The following ZNF507 variants were observed in gnomAD, a reference collection of about 807,000 sequenced individuals.
ZNF507 encodes zinc finger protein 507.
A neutral mutation model predicts 80.0 loss-of-function variants in ZNF507; 29 were observed. The observed-to-expected ratio is 0.36, with a 90% CI of 0.27 to 0.49. ZNF507 has a LOEUF of 0.49. Ranked by LOEUF, ZNF507 falls within the 20% of genes least tolerant of loss-of-function variation. ZNF507 has a pLI of 0.98. For synonymous variants in ZNF507, 462 were observed against 422.5 expected, an observed-to-expected ratio of 1.09 and a Z score of -1.15; for missense variants, 1,081 against 1,152.2, an observed-to-expected ratio of 0.94 and a Z score of 0.90.
Position 32,354,937 on chromosome 19 carries a change from G to C in ZNF507, c.2107G>C (p.Glu703Gln), listed in dbSNP as rs1213970223. The C allele has an allele frequency of 6.2e-7, 1 of 1,608,440 alleles. No homozygotes were observed. Among genetic ancestry groups the C allele is most frequent in the East Asian group, 2.2e-5 (1 of 44,790 alleles). ...AAGAATATACCAGTGCAAGCAGTGT[G>C]AAGAATCCTTCCATTATAAGGTAAG... The part of the protein sequence containing the change: ...KTRIYQCKQC[E>Q]ESFHYKSQLR... The change falls in exon 3 of 7, where the codon GAA becomes CAA. Residue 703 changes from glutamate (E) to glutamine (Q), a missense_variant. Coordinates refer to ENST00000355898, the MANE Select transcript of ZNF507 (RefSeq NM_001136156.2).
rs115685667 is a variant in ZNF507, at chr19:32,374,450, C to A, written c.2361-8017C>A. On this transcript the variant is annotated intron_variant, in intron 5 of 6. Transcript: ENST00000355898. ...TCTGCAAATCATTTTCTCATACTTT[C>A]CTTTCTATTTATAGCTTTTCTTTCT... Among the ~76,000 whole-genome samples, 1,204 of 148,900 alleles carry A rather than the reference C, an allele frequency of 8.1e-3. 19 individuals carry two copies. Among genetic ancestry groups the A allele is most frequent in the African/African-American group, 0.029 (1,163 of 40,600 alleles).
Position 32,353,743 on chromosome 19 carries a change from G to T in ZNF507, c.913G>T (p.Val305Phe). The change falls in exon 3 of 7, where the codon GTC becomes TTC. Residue 305 changes from valine (V) to phenylalanine (F), a missense_variant. Around this residue, in one of 6 missense-constraint regions of ZNF507, gnomAD observed 614 missense variants for 583.9 expected, o/e 1.05. Transcript: ENST00000355898. ...TGCTGCGCCTGGTGGGGTCGATGCAGTCGTCATTGCTATTGGAGAGAGTGA... is the reference window on the plus strand; with the variant it reads ...TGCTGCGCCTGGTGGGGTCGATGCATTCGTCATTGCTATTGGAGAGAGTGA... ...AAAAPGGVDA[V>F]VIAIGESELS... The T allele has an allele frequency of 1.2e-6, 2 of 1,614,204 alleles. No individual in the cohort carries two copies. The highest frequency in any genetic ancestry group is 1.7e-6 in the Non-Finnish European group (2 of 1,180,042).
rs61197606 is a variant in ZNF507, at chr19:32,384,707, AT to A, written c.*1633del. 1 of 151,280 alleles carries A rather than the reference AT, an allele frequency of 6.6e-6. No individual in the cohort carries two copies. Among genetic ancestry groups the A allele is most frequent in the Non-Finnish European group, 1.5e-5 (1 of 67,838 alleles). 9.4% of individuals were successfully genotyped at this position (151,280 alleles called of 1,614,324 possible). On this transcript the variant is annotated 3_prime_UTR_variant, in exon 7 of 7. Coordinates refer to ENST00000355898, the MANE Select transcript of ZNF507 (RefSeq NM_001136156.2). ...GCCAGGCATCTTGCAACATTTTCTGATTTTTTTTTCTTTCTTTCTAATCTCA... is the reference window on the plus strand; with the variant it reads ...GCCAGGCATCTTGCAACATTTTCTGATTTTTTTTCTTTCTTTCTAATCTCA...
chr19:32,360,503 G>T lies in ZNF507; in HGVS notation c.2246-1G>T. 6.5e-7 allele frequency: 1 copy of T among 1,537,786 alleles called. No homozygotes were observed. Among genetic ancestry groups the T allele is most frequent in the Non-Finnish European group, 8.8e-7 (1 of 1,138,324 alleles). On this transcript the variant is annotated splice_acceptor_variant, in intron 4 of 6. Transcript: ENST00000355898. LOFTEE classifies it high-confidence loss of function. ...CTAAAACTCTGAAATACCTTGTCTA[G>T]GGAATAAGTCTTCAGTCCAGAAACA...
chr19:32,353,316 T>A lies in ZNF507; in HGVS notation c.486T>A (p.Ile162=), dbSNP rs765381045. 4.3e-6 allele frequency: 7 copies of A among 1,614,260 alleles called. No homozygotes were observed. Among genetic ancestry groups the A allele is most frequent in the Admixed American group, 1.7e-5 (1 of 60,032 alleles). Residue 162 remains isoleucine (I), a synonymous_variant, in exon 3 of 7, where the codon ATT becomes ATA. Coordinates refer to ENST00000355898, the MANE Select transcript of ZNF507 (RefSeq NM_001136156.2). ...TACTGATGTGCTCAGAGTGCCATAT[T>A]ACATCTAGAAGCCAGGAGGAACTTG... is the stretch of plus-strand genomic sequence containing the variant. ...EVILMCSECH[I]TSRSQEELEA...
At position 32,384,335 on chromosome 19, in the gene ZNF507, A is replaced by C. The variant is rs956278757; in HGVS notation, c.*1252A>C. 1 of 152,226 alleles carries C rather than the reference A, an allele frequency of 6.6e-6. No homozygotes were observed. Among genetic ancestry groups the C allele is most frequent in the African/African-American group, 2.4e-5 (1 of 41,458 alleles). The allele number at this position is 152,226 out of a possible 1,614,324, so 9.4% of individuals were successfully genotyped here. A position where few individuals can be genotyped will look rare whatever the true frequency, so the allele number is the denominator to read the frequency against. Reference sequence around the variant, plus strand: ...CCATCAAATAGATGTAATCTTATTAATTACACATTTTGTATTTTAATTATT... The same window carrying C: ...CCATCAAATAGATGTAATCTTATTACTTACACATTTTGTATTTTAATTATT... On this transcript the variant is annotated 3_prime_UTR_variant, in exon 7 of 7. Coordinates refer to ENST00000355898, the MANE Select transcript of ZNF507 (RefSeq NM_001136156.2).
rs912715158 is a variant in ZNF507, at chr19:32,385,518, TTAAAA to T, written c.*2439_*2443del. 1 of 152,186 alleles carries T rather than the reference TTAAAA, an allele frequency of 6.6e-6. No homozygotes were observed. The highest frequency in any genetic ancestry group is 2.4e-5 in the African/African-American group (1 of 41,442). The allele number at this position is 152,186 out of a possible 1,614,324, so 9.4% of individuals were successfully genotyped here. ...ATTCTAACTGTAGAAGAGATAGCTA[TTAAAA>T]TAATCAGTAGCCTGGGCATAGTGGC... On this transcript the variant is annotated 3_prime_UTR_variant, in exon 7 of 7. Transcript: ENST00000355898.
intron 5 of ZNF507, among the ~76,000 whole-genome samples, chr19:32,370,089 T>TGTGTGTGCGTGCATAC (rs1469514363): frequency 6.6e-6 from 1 of 152,220 alleles, no homozygotes; most frequent in Non-Finnish European, 1.5e-5. Context: ...ATTGAGTATG[T>TGTGTGTGCGTGCATAC]GTGTGTGCGT....
At chr19:32,365,134 T>G (rs536511028) in intron 5 of ZNF507, among the ~76,000 whole-genome samples, 2 of 152,262 alleles carry the variant, frequency 1.3e-5, no homozygotes, top group African/African-American at 4.8e-5. Flanking sequence ...GCCATTTGCG[T>G]ATCTTCTTTT....
In ZNF507 at chr19:32,386,392, T is replaced by C. The variant is rs1263906655; in HGVS notation, c.*3309T>C. The C allele has an allele frequency of 6.6e-6, 1 of 152,638 alleles. No individual in the cohort carries two copies. The highest frequency in any genetic ancestry group is 6.5e-5 in the Admixed American group (1 of 15,286). 9.5% of individuals were successfully genotyped at this position (152,638 alleles called of 1,614,324 possible). A position where few individuals can be genotyped will look rare whatever the true frequency, so the allele number is the denominator to read the frequency against. ...TTCATAGACACTTATTTAATCTTTTTAAATTGTACAGCAAGGTGCTCTAAG... is the reference window on the plus strand; with the variant it reads ...TTCATAGACACTTATTTAATCTTTTCAAATTGTACAGCAAGGTGCTCTAAG... On this transcript the variant is annotated 3_prime_UTR_variant, in exon 7 of 7. Transcript: ENST00000355898.
At chr19:32,375,479 G>A (rs1395410769) in intron 5 of ZNF507, among the ~76,000 whole-genome samples, 2 of 152,136 alleles carry the variant, frequency 1.3e-5, no homozygotes, top group Non-Finnish European at 2.9e-5. Context: ...AAGACAGATG[G>A]GCCTGATATC....
rs1319941939 is a variant in ZNF507 at position 32,386,885 on chromosome 19, G to A, written c.*3802G>A. ...CCAAGTTCTATTAACCACAGGTTGT[G>A]TTCATTCTTTTCCTGGAAATGATGA... On this transcript the variant is annotated 3_prime_UTR_variant, in exon 7 of 7. Transcript: ENST00000355898. 6.6e-6 allele frequency: 1 copy of A among 152,472 alleles called. No individual in the cohort carries two copies. The highest frequency in any genetic ancestry group is 1.5e-5 in the Non-Finnish European group (1 of 68,008). The allele number at this position is 152,472 out of a possible 1,614,324, so 9.4% of individuals were successfully genotyped here.
intron 1 of ZNF507, among the ~76,000 whole-genome samples, chr19:32,347,030 G>A (rs1967105967): frequency 6.6e-6 from 1 of 152,162 alleles, no homozygotes; most frequent in Non-Finnish European, 1.5e-5. Context: ...AGTTTCCAGA[G>A]CTATTTTTTC....
chr19:32,358,847 A>T (rs1386773458), intron 4 of ZNF507: 1 of 152,198 alleles, frequency 6.6e-6, no homozygotes, highest in African/African-American at 2.4e-5. Flanking sequence ...AGCATTTCCA[A>T]TTTGTAGATG....
intron 2 of ZNF507, among the ~76,000 whole-genome samples, chr19:32,349,268 CA>C (rs1200338370): frequency 2.0e-5 from 3 of 152,134 alleles, no homozygotes; most frequent in African/African-American, 7.2e-5. Flanking sequence ...AGGCAGAGGA[CA>C]GGGGAGCCTA....
chr19:32,363,916 C>A (rs989231931), intron 5 of ZNF507, among the ~76,000 whole-genome samples: 1 of 152,172 alleles, frequency 6.6e-6, no homozygotes, highest in Non-Finnish European at 1.5e-5. Context: ...ACTCTAGTAT[C>A]TTGGGAGCAT....
chr19:32,383,042 A>G lies in ZNF507; in HGVS notation c.2821A>G (p.Ile941Val), dbSNP rs545711219. The G allele has an allele frequency of 6.2e-7, 1 of 1,614,096 alleles. No homozygotes were observed. The highest frequency in any genetic ancestry group is 1.3e-5 in the African/African-American group (1 of 75,054). ...GCACGAGGGTGAAATTGTAAACATC[A>G]TCCTGAATAAGGACCACAATACAGC... ...KEHEGEIVNI[I>V]LNKDHNTALN... The change falls in exon 7 of 7, where the codon ATC (isoleucine) becomes GTC (valine). Residue 941 changes from isoleucine to valine, a missense_variant. Ile to Val is a conservative substitution (Grantham distance 29). This residue lies in a region of ZNF507 where 138 missense variants were observed against 158.4 expected (regional missense o/e 0.87). Coordinates refer to ENST00000355898, the MANE Select transcript of ZNF507 (RefSeq NM_001136156.2).
chr19:32,349,191 A>T (rs913996491), intron 2 of ZNF507, among the ~76,000 whole-genome samples: 5 of 152,232 alleles, frequency 3.3e-5, no homozygotes, highest in Admixed American at 3.3e-4. Context: ...GACGATGAAT[A>T]TTCTGATCTC....
chr19:32,347,065 C>T (rs779406056), intron 1 of ZNF507, among the ~76,000 whole-genome samples, 180 bp from the exon 2 acceptor site: 11 of 152,028 alleles, frequency 7.2e-5, no homozygotes, highest in Non-Finnish European at 1.2e-4. Flanking sequence ...ATCCTCAAGT[C>T]GGCTTGTTAG....
Sources: gnomAD v4.1 joint callset for allele counts (sites outside exome capture counted in the v4.1 genomes callset) on GRCh38, gnomAD v4.1.1 for gene constraint, gnomAD v4.1.1 regional missense constraint, MANE v1.5 for transcripts, NCBI Gene and HGNC (gene_info 2026-07-23, HGNC 2026-07-21) for gene names.